Variants in ZNHIT3 observed in about 807,000 individuals in gnomAD.
ZNHIT3 encodes the protein zinc finger HIT-type containing 3.
Under a neutral mutation model 19.9 loss-of-function variants are expected in ZNHIT3, and 27 were observed. The observed-to-expected ratio is 1.36, with a 90% CI of 1.00 to 1.87. The LOEUF (loss-of-function observed/expected upper bound fraction) is 1.87, where lower values mean the gene tolerates loss of function less well. Among genes scored for constraint, ZNHIT3 ranks in the 40% most tolerant of loss-of-function variants. The probability of loss-of-function intolerance (pLI) is 0.00; values close to 1 mark genes in which losing one functional copy is unlikely to be tolerated. For synonymous variants in ZNHIT3, 81 were observed against 65.7 expected (o/e 1.23, Z -1.13); for missense variants, 215 against 185.6 (o/e 1.16, Z -0.92).
rs1256464763 is a variant in ZNHIT3 at position 36,495,626 on chromosome 17, A to C, written c.*222A>C. On this transcript the variant is annotated 3_prime_UTR_variant, in exon 5 of 5. Transcript: ENST00000617429. Reference sequence around the variant, plus strand: ...GTCCTTTATGGAGAGAAAACTTGACATTCAGATGATTGTTTTTAAATGTTT... The same window carrying C: ...GTCCTTTATGGAGAGAAAACTTGACCTTCAGATGATTGTTTTTAAATGTTT... The C allele has an allele frequency of 4.6e-6, 6 of 1,290,554 alleles. No homozygotes were observed. In the East Asian group the frequency reaches 1.8e-4, roughly 38 times the overall value. The allele number at this position is 1,290,554 out of a possible 1,614,324, so 79.9% of individuals were successfully genotyped here.
At chr17:36,498,866 T>G, downstream of ZNHIT3, 3 of 592,976 alleles carry the variant, frequency 5.1e-6, no homozygotes, top group Non-Finnish European at 9.0e-6. Context: ...TTCCCAGAGT[T>G]GCTTATACCA....
chr17:36,493,044 T>A, intron 3 of ZNHIT3, 145 bp downstream of exon 3: 1 of 738,202 alleles, frequency 1.4e-6, no homozygotes, highest in Non-Finnish European at 2.3e-6. Context: ...GCATCAGGAG[T>A]GGGGCCATGT....
Position 36,486,713 on chromosome 17 carries a change from A to T in ZNHIT3, c.14A>T (p.Lys5Ile). 1.2e-6 allele frequency: 2 copies of T among 1,613,838 alleles called. No individual in the cohort carries two copies. The highest frequency in any genetic ancestry group is 1.7e-6 in the Non-Finnish European group (2 of 1,179,892). Reference protein sequence around the residue: MASLKCSTVVCVICL... With the variant: MASLICSTVVCVICL... The stretch of plus-strand genomic sequence containing the variant: ...TTCCACAAAACCATGGCGTCGCTCA[A>T]ATGTAGCACCGTCGTCTGCGTGATC... The change falls in exon 1 of 5, where the codon AAA becomes ATA. Residue 5 changes from lysine to isoleucine, a missense_variant. Physicochemically the swap from Lys to Ile is moderately radical, Grantham distance 102. Coordinates refer to ENST00000617429, the MANE Select transcript of ZNHIT3 (RefSeq NM_004773.4).
downstream of ZNHIT3, chr17:36,498,718 C>A: frequency 1.3e-6 from 1 of 759,194 alleles, no homozygotes; most frequent in Non-Finnish European, 2.1e-6. Flanking sequence ...GTTCCATATG[C>A]CACAAGTCTA....
At chr17:36,494,883 A>C (rs1331351096) in intron 4 of ZNHIT3, among the ~76,000 whole-genome samples, 1 of 152,212 alleles carries the variant, frequency 6.6e-6, no homozygotes, top group Non-Finnish European at 1.5e-5. Context: ...TGTGCTGATA[A>C]AGCATTTTTT....
chr17:36,498,611 C>A, downstream of ZNHIT3: 1 of 1,512,260 alleles, frequency 6.6e-7, no homozygotes, highest in South Asian at 1.3e-5. Context: ...GCCCTCTTAG[C>A]AGAAAATGGA....
At chr17:36,497,289 TGA>T (rs1397077629), downstream of ZNHIT3, among the ~76,000 whole-genome samples, 1 of 146,224 alleles carries the variant, frequency 6.8e-6, no homozygotes, top group East Asian at 2.0e-4. Flanking sequence ...GGCGACAGAG[TGA>T]GACTCCGTCT....
At chr17:36,487,390 C>T (rs1213269490) in intron 2 of ZNHIT3, among the ~76,000 whole-genome samples, 1 of 152,134 alleles carries the variant, frequency 6.6e-6, no homozygotes, top group Non-Finnish European at 1.5e-5. Flanking sequence ...TTGTTAGAAA[C>T]AAAGAGGTAA....
chr17:36,495,719 GGTCA>G lies in ZNHIT3; in HGVS notation c.*318_*321del, dbSNP rs2070907760. The G allele has an allele frequency of 1.6e-6, 2 of 1,249,018 alleles. No homozygotes were observed. Among genetic ancestry groups the G allele is most frequent in the African/African-American group, 1.5e-5 (1 of 64,756 alleles). 77.4% of individuals were successfully genotyped at this position (1,249,018 alleles called of 1,614,324 possible). A position where few individuals can be genotyped will look rare whatever the true frequency, so the allele number is the denominator to read the frequency against. ...TTACACTTCATATGGAGTTAAACTT[GGTCA>G]GTGTTAATAAAATCAAAACGTGATT... On this transcript the variant is annotated 3_prime_UTR_variant, in exon 5 of 5. Transcript: ENST00000617429.
downstream of ZNHIT3, chr17:36,495,992 T>C (rs2070933222): frequency 1.3e-6 from 1 of 796,684 alleles, no homozygotes; most frequent in Non-Finnish European, 1.8e-6. Flanking sequence ...TCTGTGAAGG[T>C]AGTGAAATGT....
chr17:36,498,372 A>G (rs867184489), downstream of ZNHIT3: 15 of 1,613,870 alleles, frequency 9.3e-6, no homozygotes, highest in Middle Eastern at 1.6e-4. Context: ...CCAGACCACT[A>G]ATTTCCTCTG....
At chr17:36,496,555 C>G (rs2070996025), downstream of ZNHIT3, 1 of 721,802 alleles carries the variant, frequency 1.4e-6, no homozygotes, top group African/African-American at 1.8e-5. Context: ...GCATTACATC[C>G]ACTCAGTGTG....
chr17:36,499,059 C>A, downstream of ZNHIT3: 1 of 1,594,918 alleles, frequency 6.3e-7, no homozygotes, highest in Non-Finnish European at 8.6e-7. Flanking sequence ...ACCCCGACTT[C>A]TTGGGTCTTA....
chr17:36,498,502 A>G, downstream of ZNHIT3: 1 of 1,614,070 alleles, frequency 6.2e-7, no homozygotes, highest in African/African-American at 1.3e-5. Context: ...GGAGCTTGAG[A>G]GAAGTGTTTT....
Position 36,492,732 on chromosome 17 carries a change from C to G in ZNHIT3, c.119-81C>G, listed in dbSNP as rs181548610. The G allele has an allele frequency of 5.5e-5, 70 of 1,275,474 alleles. No homozygotes were observed. In the East Asian group the frequency reaches 1.5e-3, roughly 27 times the overall value. The allele number at this position is 1,275,474 out of a possible 1,614,324, so 79.0% of individuals were successfully genotyped here. ...CTTACCCCAGACACTTGCTTCCTAC[C>G]TAGATGCTACCTTGGTAGGGAGGTG... On this transcript the variant is annotated intron_variant, in intron 2 of 4. Coordinates refer to ENST00000617429, the MANE Select transcript of ZNHIT3 (RefSeq NM_004773.4).
At position 36,493,129 on chromosome 17, in the gene ZNHIT3, A is replaced by C. The variant is rs1185342309; in HGVS notation, c.205+230A>C. 5.2e-6 allele frequency: 3 copies of C among 580,966 alleles called. No individual in the cohort carries two copies. In the African/African-American group the frequency reaches 5.6e-5, roughly 11 times the overall value. 36.0% of individuals were successfully genotyped at this position (580,966 alleles called of 1,614,324 possible). A position where few individuals can be genotyped will look rare whatever the true frequency, so the allele number is the denominator to read the frequency against. Reference sequence around the variant, plus strand: ...GAAAAATGGGCAGAAGACAGAGATGAGAAAGGCCATGGCTGTGGTTTGGGG... The same window carrying C: ...GAAAAATGGGCAGAAGACAGAGATGCGAAAGGCCATGGCTGTGGTTTGGGG... On this transcript the variant is annotated intron_variant, in intron 3 of 4. Coordinates refer to ENST00000617429, the MANE Select transcript of ZNHIT3 (RefSeq NM_004773.4).
intron 2 of ZNHIT3, among the ~76,000 whole-genome samples, chr17:36,488,998 C>T (rs978156419): frequency 1.3e-5 from 2 of 152,234 alleles, no homozygotes; most frequent in African/African-American, 2.4e-5. Flanking sequence ...CCTCCAGTTA[C>T]CACTATTCTG....
downstream of ZNHIT3, chr17:36,497,929 C>G (rs190703220): frequency 5.5e-4 from 160 of 291,904 alleles, no homozygotes; most frequent in Non-Finnish European, 9.1e-4. Context: ...TCATCTAAAG[C>G]CTTGGTTCTC....
rs570145060 is a variant in ZNHIT3, at chr17:36,495,319, G to T, written c.383G>T (p.Arg128Ile). ...GGAGAAGACAAAGCAAAGCTCATGA[G>T]AGCTTACATGCAAGAGCCTTTGTTT... ...DQGEDKAKLM[R>I]AYMQEPLFVE... Residue 128 changes from arginine to isoleucine, a missense_variant, in exon 5 of 5, where the codon AGA becomes ATA. Physicochemically the swap from Arg to Ile is moderately conservative, Grantham distance 97. Transcript: ENST00000617429. 38 of 1,613,910 alleles carry T rather than the reference G, an allele frequency of 2.4e-5. No individual in the cohort carries two copies. In the South Asian group the frequency reaches 3.8e-4, roughly 16 times the overall value.
Sources: gnomAD v4.1 joint callset for allele counts (sites outside exome capture counted in the v4.1 genomes callset) on GRCh38, gnomAD v4.1.1 for gene constraint, MANE v1.5 for transcripts, NCBI Gene and HGNC (gene_info 2026-07-23, HGNC 2026-07-21) for gene names.